FAM217B: variants seen among roughly 807,000 people sequenced by gnomAD.
FAM217B encodes the protein family with sequence similarity 217 member B, also known as protein FAM217B.
For synonymous variants in FAM217B, 163 were observed against 173.0 expected, an observed-to-expected ratio of 0.94 and a Z score of 0.45; for missense variants, 463 against 456.9, an observed-to-expected ratio of 1.01 and a Z score of -0.12.
chr20:59,940,200 T>G (rs910071938), upstream of FAM217B: 2 of 343,624 alleles, frequency 5.8e-6, no homozygotes, highest in Admixed American at 4.9e-5. Flanking sequence ...GAGCGCAGGG[T>G]AGCGCCTCTT....
At position 59,944,456 on chromosome 20, in the gene FAM217B, G is replaced by A; in HGVS notation, c.513G>A (p.Val171=). ...ACGCAGAGAACAAAACGGAAGCCGT[G>A]CCCCGAGTGGGAGGACTTCTTGGGA... ...LLNAENKTEA[V]PRVGGLLGKY... Residue 171 remains valine, a synonymous_variant, in exon 4 of 4, where the codon GTG becomes GTA. Coordinates refer to ENST00000360816, the MANE Select transcript of FAM217B (RefSeq NM_022106.3). The A allele has an allele frequency of 4.3e-6, 7 of 1,613,920 alleles. No homozygotes were observed. Among genetic ancestry groups the A allele is most frequent in the Non-Finnish European group, 5.9e-6 (7 of 1,179,998 alleles).
chr20:59,942,708 G>A (rs1351688787), intron 3 of FAM217B, among the ~76,000 whole-genome samples, 196 bp downstream of exon 3: 2 of 151,986 alleles, frequency 1.3e-5, no homozygotes, highest in African/African-American at 4.8e-5. Context: ...CATAATTCTG[G>A]CAGTTGTTAG....
upstream of FAM217B, among the ~76,000 whole-genome samples, chr20:59,935,780 A>G (rs2060859023): frequency 6.6e-6 from 1 of 152,214 alleles, no homozygotes. Flanking sequence ...CTCAAAAAAG[A>G]GAAATATCAT....
Position 59,942,464 on chromosome 20 carries a change from A to AT in FAM217B, c.-47dup, listed in dbSNP as rs2060910949. On this transcript the variant is annotated 5_prime_UTR_variant, in exon 3 of 4. The change abolishes the stop of an existing upstream ORF in the 5' untranslated region. Coordinates refer to ENST00000360816, the MANE Select transcript of FAM217B (RefSeq NM_022106.3). ...ACCCGAGATGATGATCAGCCACGTG[A>AT]TTTTTTCAAGAAGAGGAATAGGGTG... 1 of 152,108 alleles carries AT rather than the reference A, an allele frequency of 6.6e-6. No homozygotes were observed. 9.4% of individuals were successfully genotyped at this position (152,108 alleles called of 1,614,324 possible).
chr20:59,939,088 G>T (rs2145945978), upstream of FAM217B: 1 of 1,592,302 alleles, frequency 6.3e-7, no homozygotes, highest in Non-Finnish European at 8.5e-7. Flanking sequence ...TGCAGCGCGT[G>T]GTTGCGACAT....
At chr20:59,935,735 T>G (rs2145943216), upstream of FAM217B, among the ~76,000 whole-genome samples, 1 of 152,364 alleles carries the variant, frequency 6.6e-6, no homozygotes, top group East Asian at 1.9e-4. Context: ...ATTGCACCAC[T>G]GCACTCCAAC....
chr20:59,945,219 T>G lies in FAM217B; in HGVS notation c.*124T>G. ...CTGACATTTAAGTAGTTGACTGGCA[T>G]TTTTGTCCACCTTTATTTCTACCCT... On this transcript the variant is annotated 3_prime_UTR_variant, in exon 4 of 4. Coordinates refer to ENST00000360816, the MANE Select transcript of FAM217B (RefSeq NM_022106.3). The G allele has an allele frequency of 1.2e-6, 1 of 838,266 alleles. No homozygotes were observed. Among genetic ancestry groups the G allele is most frequent in the Non-Finnish European group, 1.8e-6 (1 of 551,804 alleles). The allele number at this position is 838,266 out of a possible 1,614,324, so 51.9% of individuals were successfully genotyped here.
rs1569009532 is a variant in FAM217B at position 59,945,262 on chromosome 20, A to G, written c.*167A>G. ...TCTACCCTGAGTGGGGTTATTTTCAAAGGGAAGTGTCTTTCAATAAGCCTT... is the reference window on the plus strand; with the variant it reads ...TCTACCCTGAGTGGGGTTATTTTCAGAGGGAAGTGTCTTTCAATAAGCCTT... On this transcript the variant is annotated 3_prime_UTR_variant, in exon 4 of 4. Coordinates refer to ENST00000360816, the MANE Select transcript of FAM217B (RefSeq NM_022106.3). 5.0e-6 allele frequency: 3 copies of G among 597,480 alleles called. No homozygotes were observed. Among genetic ancestry groups the G allele is most frequent in the African/African-American group, 1.9e-5 (1 of 53,394 alleles). The allele number at this position is 597,480 out of a possible 1,614,324, so 37.0% of individuals were successfully genotyped here. A position where few individuals can be genotyped will look rare whatever the true frequency, so the allele number is the denominator to read the frequency against.
At chr20:59,941,407 A>G (rs2060904209) in intron 1 of FAM217B, among the ~76,000 whole-genome samples, 1 of 152,248 alleles carries the variant, frequency 6.6e-6, no homozygotes, top group South Asian at 2.1e-4. Flanking sequence ...AGCTAACTAA[A>G]AAGGCTTACA....
At position 59,944,374 on chromosome 20, in the gene FAM217B, A is replaced by G; in HGVS notation, c.431A>G (p.Asn144Ser). The change falls in exon 4 of 4, where the codon AAT becomes AGT. Residue 144 changes from asparagine to serine, a missense_variant. Physicochemically the swap from Asn to Ser is conservative, Grantham distance 46. Transcript: ENST00000360816. The part of the protein sequence containing the change: ...GHTKPEYYYP[N>S]FLPSPFSSWD... ...ACAAAACCTGAATACTATTATCCTA[A>G]TTTCCTTCCATCCCCTTTCAGCTCC... 6.2e-7 allele frequency: 1 copy of G among 1,613,856 alleles called. No individual in the cohort carries two copies.
In FAM217B at chr20:59,944,686, GA is replaced by G; in HGVS notation, c.746del (p.Lys249ArgfsTer40). 6.2e-7 allele frequency: 1 copy of G among 1,614,036 alleles called. No individual in the cohort carries two copies. The highest frequency in any genetic ancestry group is 8.5e-7 in the Non-Finnish European group (1 of 1,179,986). On this transcript the variant is annotated frameshift_variant, in exon 4 of 4. Transcript: ENST00000360816. LOFTEE classifies it low-confidence loss of function (END_TRUNC). Reference protein sequence around the residue: ...QEGASKSGPSRKKAFHHEEIH... With the variant: ...QEGASKSGPSXKKAFHHEEIH... ...GGGGCTTCAAAGTCAGGCCCTTCCC[GA>G]AAGAAAGCTTTTCACCATGAAGAAA...
At position 59,945,533 on chromosome 20, in the gene FAM217B, T is replaced by C. The variant is rs1166009255; in HGVS notation, c.*438T>C. 4 of 168,844 alleles carry C rather than the reference T, an allele frequency of 2.4e-5. No homozygotes were observed. The highest frequency in any genetic ancestry group is 1.4e-5 in the Non-Finnish European group (1 of 69,336). The allele number at this position is 168,844 out of a possible 1,614,324, so 10.5% of individuals were successfully genotyped here. Reference sequence around the variant, plus strand: ...ATCCTAAATGTTTAAAATAAGGTCCTTCTTGCCCACTCCCTCGCTTACTTT... The same window carrying C: ...ATCCTAAATGTTTAAAATAAGGTCCCTCTTGCCCACTCCCTCGCTTACTTT... On this transcript the variant is annotated 3_prime_UTR_variant, in exon 4 of 4. Coordinates refer to ENST00000360816, the MANE Select transcript of FAM217B (RefSeq NM_022106.3).
chr20:59,943,253 A>G (rs2060915319), intron 3 of FAM217B, among the ~76,000 whole-genome samples: 1 of 152,220 alleles, frequency 6.6e-6, no homozygotes, highest in East Asian at 1.9e-4. Flanking sequence ...GCTATTCACA[A>G]GGTAACACTA....
upstream of FAM217B, chr20:59,937,377 T>C (rs1316415092): frequency 1.3e-5 from 2 of 152,654 alleles, no homozygotes; most frequent in African/African-American, 4.8e-5. Flanking sequence ...TAGCCAGAGA[T>C]TGTGCAATTT....
upstream of FAM217B, chr20:59,938,830 G>A (rs2060877461): frequency 6.7e-6 from 3 of 450,196 alleles, no homozygotes; most frequent in South Asian, 1.5e-4. Context: ...GGCCACCTGA[G>A]GCTACTTTTT....
chr20:59,939,217 C>G (rs145854325), upstream of FAM217B: 5 of 1,610,628 alleles, frequency 3.1e-6, no homozygotes, highest in Non-Finnish European at 3.4e-6. Flanking sequence ...ACTGGAAAGC[C>G]GAAGGTGAAA....
chr20:59,941,103 G>A (rs1006516758), intron 1 of FAM217B, among the ~76,000 whole-genome samples: 8 of 152,182 alleles, frequency 5.3e-5, no homozygotes, highest in African/African-American at 1.4e-4. Flanking sequence ...GCAGGCATTC[G>A]TGTCTCTCAC....
chr20:59,939,155 G>A (rs1004128050), upstream of FAM217B: 1 of 1,611,636 alleles, frequency 6.2e-7, no homozygotes, highest in African/African-American at 1.3e-5. Context: ...CCGCCACTTG[G>A]TAGCGCACCG....
upstream of FAM217B, chr20:59,939,694 C>A (rs977149197): frequency 3.5e-6 from 5 of 1,412,860 alleles, no homozygotes; most frequent in Admixed American, 6.2e-5. Flanking sequence ...TGGCGGCGCT[C>A]GGGGGAGCTG....
Sources: gnomAD v4.1 joint callset for allele counts (sites outside exome capture counted in the v4.1 genomes callset) on GRCh38, gnomAD v4.1.1 for gene constraint, MANE v1.5 for transcripts, NCBI Gene and HGNC (gene_info 2026-07-23, HGNC 2026-07-21) for gene names.